The following GPHN variants were observed in gnomAD, a reference collection of about 807,000 sequenced individuals.
GPHN encodes the protein gephyrin.
GPHN carries 17 observed loss-of-function variants against 95.5 expected under a neutral mutation model. The ratio of observed to expected loss-of-function variants is 0.18; its 90% CI spans 0.12 to 0.27. The LOEUF is 0.27. Ranked by LOEUF, GPHN falls within the 10% of genes least tolerant of loss-of-function variation. The pLI, the probability that GPHN is intolerant of heterozygous loss-of-function variation, is 1.00. For missense variants in GPHN, 660 were observed against 978.1 expected (o/e 0.67, Z 4.34); for synonymous variants, 320 against 322.5 (o/e 0.99, Z 0.08).
At chr14:67,031,725 T>A (rs1336258659) in intron 10 of GPHN, among the ~76,000 whole-genome samples, 1 of 152,198 alleles carries the variant, frequency 6.6e-6, no homozygotes, top group African/African-American at 2.4e-5. Flanking sequence ...CATGCCTGGC[T>A]TTCAAATATA....
chr14:67,230,422 A>G, the GPHN span, among the ~76,000 whole-genome samples: 3 of 152,164 alleles, frequency 2.0e-5, no homozygotes, highest in African/African-American at 7.2e-5. Flanking sequence ...TCCACAAAAA[A>G]TAAGCTGGGT....
the GPHN span, among the ~76,000 whole-genome samples, chr14:67,439,164 G>T: frequency 6.6e-6 from 1 of 152,162 alleles, no homozygotes; most frequent in African/African-American, 2.4e-5. Flanking sequence ...TTGTCTCTGT[G>T]CCTCAGTGTC....
At chr14:67,387,486 GTGAT>G in the GPHN span, 2 of 1,594,722 alleles carry the variant, frequency 1.3e-6, no homozygotes, top group Non-Finnish European at 1.7e-6. Context: ...AAAAAAATCA[GTGAT>G]TGAATAGCCA....
At chr14:66,632,688 T>C (rs1295541019) in intron 1 of GPHN, among the ~76,000 whole-genome samples, 3 of 151,954 alleles carry the variant, frequency 2.0e-5, no homozygotes, top group Non-Finnish European at 4.4e-5. Context: ...AGACGGGGTT[T>C]CACCTTGTTG....
At chr14:67,492,531 G>A in the GPHN span, among the ~76,000 whole-genome samples, 1 of 152,208 alleles carries the variant, frequency 6.6e-6, no homozygotes, top group African/African-American at 2.4e-5. Flanking sequence ...TGTCCTTAGG[G>A]TGTCCTGGAG....
the GPHN span, among the ~76,000 whole-genome samples, chr14:67,544,519 A>T: frequency 6.6e-6 from 1 of 152,248 alleles, no homozygotes; most frequent in Non-Finnish European, 1.5e-5. Flanking sequence ...GTGAGTATCC[A>T]CAGACACAAA....
chr14:67,263,195 C>T, the GPHN span, among the ~76,000 whole-genome samples: 3 of 152,100 alleles, frequency 2.0e-5, no homozygotes, highest in African/African-American at 7.2e-5. Context: ...CTTTTTACTT[C>T]AGGAAATGTT....
At chr14:66,626,081 G>A (rs1026904479) in intron 1 of GPHN, among the ~76,000 whole-genome samples, 1 of 152,142 alleles carries the variant, frequency 6.6e-6, no homozygotes, top group African/African-American at 2.4e-5. Context: ...CCATGTGATG[G>A]AGAAGTCTGG....
chr14:67,289,721 A>G, the GPHN span, among the ~76,000 whole-genome samples: 1 of 151,826 alleles, frequency 6.6e-6, no homozygotes, highest in African/African-American at 2.4e-5. Flanking sequence ...AGACCTTATA[A>G]GAAGAGAGCT....
At chr14:67,590,148 A>G in the GPHN span, 1 of 1,551,272 alleles carries the variant, frequency 6.4e-7, no homozygotes, top group South Asian at 1.2e-5. Context: ...ACTTCAATCA[A>G]GCAGTCCAGC....
chr14:66,618,170 T>C (rs28418493), intron 1 of GPHN, among the ~76,000 whole-genome samples: 47,773 of 152,084 alleles, frequency 0.31, 11,521 homozygotes, highest in African/African-American at 0.65. Context: ...GTGAATATCC[T>C]TGGTTAGTTG....
chr14:67,223,703 A>G, the GPHN span: 6 of 971,324 alleles, frequency 6.2e-6, no homozygotes, highest in Non-Finnish European at 6.1e-6. Context: ...TGTATTTCTT[A>G]TTTCTTTCCA....
chr14:67,381,343 A>G, the GPHN span, among the ~76,000 whole-genome samples: 1 of 152,092 alleles, frequency 6.6e-6, no homozygotes, highest in Non-Finnish European at 1.5e-5. Context: ...CAAATTCCTA[A>G]AAGTAGAATT....
At chr14:66,844,632 TC>T (rs1253437976) in intron 4 of GPHN, among the ~76,000 whole-genome samples, 20 of 152,286 alleles carry the variant, frequency 1.3e-4, no homozygotes, top group Admixed American at 3.9e-4. Flanking sequence ...GTTTTTATTT[TC>T]TTTTAATAAT....
At chr14:67,646,726 A>T in the GPHN span, 1 of 1,611,508 alleles carries the variant, frequency 6.2e-7, no homozygotes, top group East Asian at 2.2e-5. Context: ...AGAGACGTGG[A>T]CCCTCCTGAA....
the GPHN span, among the ~76,000 whole-genome samples, chr14:67,344,335 TG>T: frequency 6.6e-6 from 1 of 152,192 alleles, no homozygotes; most frequent in Non-Finnish European, 1.5e-5. Context: ...TCCTCACATT[TG>T]GCTTTCAATA....
chr14:67,216,571 G>C, the GPHN span, among the ~76,000 whole-genome samples: 3 of 151,912 alleles, frequency 2.0e-5, no homozygotes, highest in African/African-American at 7.3e-5. Flanking sequence ...TGCTTTTGCT[G>C]TGCCCCCATA....
the GPHN span, among the ~76,000 whole-genome samples, chr14:67,194,475 C>G: frequency 5.8e-4 from 88 of 151,980 alleles, no homozygotes; most frequent in African/African-American, 2.0e-3. Flanking sequence ...ATGATGGCTT[C>G]ACAGAACCAT....
intron 1 of GPHN, among the ~76,000 whole-genome samples, chr14:66,542,214 T>A (rs1394137521): frequency 1.3e-5 from 2 of 152,232 alleles, no homozygotes; most frequent in Non-Finnish European, 2.9e-5. Flanking sequence ...TGCTGACTAG[T>A]TTTACTTAAA....
Sources: allele counts gnomAD v4.1 joint callset (sites outside exome capture counted in the v4.1 genomes callset), GRCh38; gene constraint gnomAD v4.1.1; transcripts MANE v1.5; gene names NCBI Gene and HGNC (gene_info 2026-07-23, HGNC 2026-07-21).